The following NBEA variants were observed in gnomAD, a reference collection of about 807,000 sequenced individuals.
NBEA encodes neurobeachin, also known as lysosomal-trafficking regulator 2.
In NBEA, 44 loss-of-function variants were observed where a neutral mutation model predicts 343.4. That is an observed-to-expected ratio of 0.13 (90% CI 0.10 to 0.16). NBEA has a LOEUF of 0.16. Ranked by LOEUF, NBEA falls within the 10% of genes least tolerant of loss-of-function variation. The pLI is 1.00. For synonymous variants in NBEA, 1,175 were observed against 1,238.7 expected (o/e 0.95, Z 1.08); for missense variants, 2,555 against 3,631.3 (o/e 0.70, Z 7.62).
At chr13:35,640,032 T>A (rs2083868402) in intron 49 of NBEA, among the ~76,000 whole-genome samples, 2 of 151,618 alleles carry the variant, frequency 1.3e-5, no homozygotes, top group Non-Finnish European at 2.9e-5. Flanking sequence ...ACCTGCAATG[T>A]GGAAAAGACA....
At chr13:34,958,028 A>G (rs1366081678) in intron 1 of NBEA, among the ~76,000 whole-genome samples, 9 of 152,074 alleles carry the variant, frequency 5.9e-5, no homozygotes. Context: ...AATTTCAAAG[A>G]CTTAGTTAAA....
At chr13:35,413,769 G>A (rs181352704) in intron 38 of NBEA, among the ~76,000 whole-genome samples, 16 of 152,032 alleles carry the variant, frequency 1.1e-4, no homozygotes, top group East Asian at 3.9e-4. Flanking sequence ...CACTGTTCTC[G>A]TATAGCCACA....
intron 10 of NBEA, among the ~76,000 whole-genome samples, chr13:35,088,066 G>T (rs984475032): frequency 5.9e-5 from 9 of 151,756 alleles, no homozygotes; most frequent in African/African-American, 2.2e-4. Context: ...AGGTACTGAG[G>T]TATCACCTAC....
rs1037799067 is a variant in NBEA at position 35,000,592 on chromosome 13, T to A, written c.295-40341T>A. 3.3e-4 allele frequency among the ~76,000 whole-genome samples: 11 copies of A among 33,276 alleles called. No homozygotes were observed. In the South Asian group the frequency reaches 3.6e-3, roughly 11 times the overall value. The allele number at this position is 33,276 out of a possible 152,430, so 21.8% of individuals were successfully genotyped here. The stretch of plus-strand genomic sequence containing the variant: ...ATAGATTATATATTTATAATATATA[T>A]AACACACACACACACACACACGTTT... On this transcript the variant is annotated intron_variant, in intron 1 of 58. Coordinates refer to ENST00000379939, the MANE Select transcript of NBEA (RefSeq NM_001385012.1).
At chr13:35,210,105 T>C (rs760817411) in intron 32 of NBEA, among the ~76,000 whole-genome samples, 2 of 152,098 alleles carry the variant, frequency 1.3e-5, no homozygotes, top group Non-Finnish European at 2.9e-5. Flanking sequence ...GTTAGGCAAA[T>C]GCAAAATGAA....
intron 10 of NBEA, among the ~76,000 whole-genome samples, chr13:35,087,767 A>C (rs1208331725): frequency 6.6e-6 from 1 of 151,924 alleles, no homozygotes; most frequent in Non-Finnish European, 1.5e-5. Context: ...ACACTTGGAC[A>C]GAATAGTCAG....
chr13:35,155,469 CA>C (rs1222361265), intron 18 of NBEA, among the ~76,000 whole-genome samples: 1 of 151,802 alleles, frequency 6.6e-6, no homozygotes, highest in Non-Finnish European at 1.5e-5. Flanking sequence ...ACTAAAAATA[CA>C]AAAAATTAGC....
rs182313724 is a variant in NBEA, at chr13:35,349,859, T to C, written c.6012+643T>C. On this transcript the variant is annotated intron_variant, in intron 37 of 58. Coordinates refer to ENST00000379939, the MANE Select transcript of NBEA (RefSeq NM_001385012.1). ...AAAGCAGCTCTGTGAGTCATACAAG[T>C]TGATAGACTAGGTCTAGTGATCTCT... Among the ~76,000 whole-genome samples the C allele has an allele frequency of 7.9e-4, 120 of 152,150 alleles. 1 individual carries two copies. The highest frequency in any genetic ancestry group is 3.4e-3 in the Middle Eastern group (1 of 294).
At chr13:35,124,755 T>C (rs2067018217) in intron 17 of NBEA, among the ~76,000 whole-genome samples, 1 of 151,502 alleles carries the variant, frequency 6.6e-6, no homozygotes, top group South Asian at 2.1e-4. Flanking sequence ...CACACATATG[T>C]ATGGATATAT....
chr13:35,291,503 A>C (rs1473204287), intron 35 of NBEA, among the ~76,000 whole-genome samples: 1 of 151,908 alleles, frequency 6.6e-6, no homozygotes, highest in Non-Finnish European at 1.5e-5. Context: ...GAAGAGGTTA[A>C]AGAAAACAAC....
At chr13:35,613,731 C>G (rs1015616579) in intron 48 of NBEA, among the ~76,000 whole-genome samples, 6 of 152,068 alleles carry the variant, frequency 3.9e-5, no homozygotes, top group African/African-American at 1.5e-4. Flanking sequence ...AGTGATCCTC[C>G]CACCTCAGCC....
rs2083609503 is a variant in NBEA, at chr13:35,634,440, A to C, written c.7617+6192A>C. Among the ~76,000 whole-genome samples, 4 of 152,342 alleles carry C rather than the reference A, an allele frequency of 2.6e-5. No homozygotes were observed. The South Asian group carries it at 8.3e-4, about 32-fold the overall frequency. On this transcript the variant is annotated intron_variant, in intron 49 of 58. Transcript: ENST00000379939. Reference sequence around the variant, plus strand: ...ATTAAAGTTGTACTGGTTCAGCAAGAGAAAAAAATTGAGTCAGTATTTCAA... The same window carrying C: ...ATTAAAGTTGTACTGGTTCAGCAAGCGAAAAAAATTGAGTCAGTATTTCAA...
At chr13:35,041,203 T>A (rs1271371909) in intron 2 of NBEA, 39 bp downstream of exon 2, 1 of 1,495,264 alleles carries the variant, frequency 6.7e-7, no homozygotes. Flanking sequence ...ACTTAAATGT[T>A]TATAAAGTTT....
chr13:35,351,937 C>T (rs141790246), intron 37 of NBEA, among the ~76,000 whole-genome samples: 3,336 of 151,972 alleles, frequency 0.022, 52 homozygotes, highest in Non-Finnish European at 0.031. Context: ...TCTTTAATTA[C>T]TTCAATATTA....
At chr13:35,592,866 T>TG (rs201088855) in intron 46 of NBEA, 1 of 10,542 alleles carries the variant, frequency 9.5e-5, no homozygotes, top group East Asian at 2.1e-3. Flanking sequence ...TCACAGGTAA[T>TG]CATGGACATT....
chr13:35,440,166 T>A (rs1196426537), intron 39 of NBEA, among the ~76,000 whole-genome samples: 1 of 152,142 alleles, frequency 6.6e-6, no homozygotes, highest in Non-Finnish European at 1.5e-5. Flanking sequence ...AGGCATGAGC[T>A]ACCATGCCCA....
chr13:35,019,186 G>A (rs761331795), intron 1 of NBEA, among the ~76,000 whole-genome samples: 26 of 151,684 alleles, frequency 1.7e-4, no homozygotes, highest in Non-Finnish European at 3.7e-4. Context: ...CTACGTTCAC[G>A]ATGGTTATTT....
At chr13:35,640,114 C>A (rs2083873886) in intron 49 of NBEA, among the ~76,000 whole-genome samples, 1 of 152,084 alleles carries the variant, frequency 6.6e-6, no homozygotes, top group Non-Finnish European at 1.5e-5. Flanking sequence ...TACTTGGTTG[C>A]CACATTTAAT....
intron 35 of NBEA, among the ~76,000 whole-genome samples, chr13:35,294,297 T>C (rs1163962790): frequency 6.6e-6 from 1 of 151,996 alleles, no homozygotes; most frequent in East Asian, 1.9e-4. Flanking sequence ...TTTTTCATTT[T>C]TCCTCCAGTG....
Sources: allele counts gnomAD v4.1 joint callset (sites outside exome capture counted in the v4.1 genomes callset), GRCh38; gene constraint gnomAD v4.1.1; transcripts MANE v1.5; gene names NCBI Gene and HGNC (gene_info 2026-07-23, HGNC 2026-07-21).